The following GPHN variants were observed in gnomAD, a reference collection of about 807,000 sequenced individuals.
GPHN encodes the protein gephyrin.
GPHN carries 17 observed loss-of-function variants against 95.5 expected under a neutral mutation model. The ratio of observed to expected loss-of-function variants is 0.18; its 90% CI spans 0.12 to 0.27. The LOEUF (loss-of-function observed/expected upper bound fraction) is 0.27, where lower values mean the gene tolerates loss of function less well. GPHN is among the 10% of genes least tolerant of loss of function. GPHN has a pLI of 1.00. For synonymous variants in GPHN, 320 were observed against 322.5 expected, an observed-to-expected ratio of 0.99 and a Z score of 0.08; for missense variants, 660 against 978.1, an observed-to-expected ratio of 0.67 and a Z score of 4.34.
intron 3 of GPHN, among the ~76,000 whole-genome samples, chr14:66,806,660 G>A (rs2060556324): frequency 6.6e-6 from 1 of 152,166 alleles, no homozygotes; most frequent in African/African-American, 2.4e-5. Context: ...CTCTAGGGCA[G>A]AGTCAAAATG....
At chr14:66,988,098 T>C (rs2071145347) in intron 9 of GPHN, among the ~76,000 whole-genome samples, 1 of 151,936 alleles carries the variant, frequency 6.6e-6, no homozygotes, top group Admixed American at 6.6e-5. Flanking sequence ...TCTCCATCTT[T>C]TTCCTTTCTG....
the GPHN span, among the ~76,000 whole-genome samples, chr14:67,489,853 G>C: frequency 1.3e-5 from 2 of 152,188 alleles, no homozygotes. Flanking sequence ...AGCCAGGTGT[G>C]ATGGTGGGCA....
Position 67,144,263 on chromosome 14 carries a change from A to ATG in GPHN, c.1836+815_1836+816insGT, listed in dbSNP as rs1365207563. On this transcript the variant is annotated intron_variant, in intron 18 of 22. Transcript: ENST00000478722. The stretch of plus-strand genomic sequence containing the variant: ...AAAAAAAAAAAAAATATATATATAT[A>ATG]TATATATATATATATATATATATAC... Among the ~76,000 whole-genome samples the ATG allele has an allele frequency of 2.6e-4, 25 of 96,150 alleles. 2 individuals carry two copies. The highest frequency in any genetic ancestry group is 1.2e-3 in the African/African-American group (23 of 19,574). 63.1% of individuals were successfully genotyped at this position (96,150 alleles called of 152,430 possible).
At chr14:67,478,904 GGTAAGAGAAA>G in the GPHN span, among the ~76,000 whole-genome samples, 1 of 151,992 alleles carries the variant, frequency 6.6e-6, no homozygotes, top group Non-Finnish European at 1.5e-5. Context: ...TTAAGATAGT[GGTAAGAGAAA>G]AAAGCAGGAT....
the GPHN span, chr14:67,515,150 G>C: frequency 6.6e-6 from 1 of 152,396 alleles, no homozygotes; most frequent in Non-Finnish European, 1.5e-5. Flanking sequence ...GCGCAGGTGC[G>C]GCTAGGAGCG....
intron 3 of GPHN, among the ~76,000 whole-genome samples, chr14:66,808,819 A>G (rs2060651285): frequency 6.6e-6 from 1 of 152,204 alleles, no homozygotes; most frequent in Non-Finnish European, 1.5e-5. Flanking sequence ...TATATTTTAG[A>G]TATGTATAAA....
Position 66,746,867 on chromosome 14 carries a change from C to G in GPHN, c.144-29597C>G, listed in dbSNP as rs372089479. Reference sequence around the variant, plus strand: ...CTCTGAAAGGTAGGTCGACCTCCCTCAGAGTTTTGACTCCTGCAGTCTCTC... The same window carrying G: ...CTCTGAAAGGTAGGTCGACCTCCCTGAGAGTTTTGACTCCTGCAGTCTCTC... On this transcript the variant is annotated intron_variant, in intron 2 of 22. Coordinates refer to ENST00000478722, the MANE Select transcript of GPHN (RefSeq NM_020806.5). Among the ~76,000 whole-genome samples, 74 of 152,216 alleles carry G rather than the reference C, an allele frequency of 4.9e-4. No individual in the cohort carries two copies. The Middle Eastern group carries it at 0.01, about 21-fold the overall frequency.
intron 19 of GPHN, among the ~76,000 whole-genome samples, chr14:67,159,875 G>A (rs1359913640): frequency 6.6e-6 from 1 of 152,064 alleles, no homozygotes; most frequent in African/African-American, 2.4e-5. Flanking sequence ...CTGCCTTTTA[G>A]TTGGGAGGGA....
the GPHN span, chr14:67,570,058 C>A: frequency 7.8e-7 from 1 of 1,284,702 alleles, no homozygotes; most frequent in Non-Finnish European, 1.1e-6. Flanking sequence ...CAGGAAAGGC[C>A]CCTGGCCTCA....
chr14:67,360,025 A>C, the GPHN span: 2 of 510,482 alleles, frequency 3.9e-6, no homozygotes, highest in Non-Finnish European at 6.9e-6. Flanking sequence ...GCCAGGCCAA[A>C]GACTAGGAGC....
the GPHN span, among the ~76,000 whole-genome samples, chr14:67,190,443 G>A: frequency 3.3e-5 from 5 of 150,140 alleles, no homozygotes; most frequent in South Asian, 2.1e-4. Flanking sequence ...GGCTGGTCTC[G>A]AACTCCTGAC....
chr14:66,684,470 A>G (rs550935326), intron 2 of GPHN, among the ~76,000 whole-genome samples: 1 of 152,332 alleles, frequency 6.6e-6, no homozygotes, highest in Admixed American at 6.5e-5. Context: ...TGAGGGGCTT[A>G]CTGCATCAGA....
rs575489651 is a variant in GPHN at position 66,629,285 on chromosome 14, T to C, written c.65-51822T>C. ...CTTATCTTCAGTCTGTAAGTTTCTTTTCTATTTTATCCTTTTACTTTGTAA... is the reference window on the plus strand; with the variant it reads ...CTTATCTTCAGTCTGTAAGTTTCTTCTCTATTTTATCCTTTTACTTTGTAA... On this transcript the variant is annotated intron_variant, in intron 1 of 22. Transcript: ENST00000478722. 3.0e-3 allele frequency among the ~76,000 whole-genome samples: 453 copies of C among 149,878 alleles called. 1 individual carries two copies. Among genetic ancestry groups the C allele is most frequent in the South Asian group, 6.3e-3 (30 of 4,790 alleles).
the GPHN span, among the ~76,000 whole-genome samples, chr14:67,548,713 A>G: frequency 2.0e-5 from 3 of 152,174 alleles, no homozygotes; most frequent in Non-Finnish European, 4.4e-5. Flanking sequence ...AAAAGAGAGA[A>G]GAAATAATGT....
Position 66,675,677 on chromosome 14 carries a change from C to A in GPHN, c.65-5430C>A, listed in dbSNP as rs188337467. 6.5e-4 allele frequency among the ~76,000 whole-genome samples: 98 copies of A among 151,424 alleles called. 1 individual carries two copies. The highest frequency in any genetic ancestry group is 2.2e-3 in the African/African-American group (93 of 41,370). On this transcript the variant is annotated intron_variant, in intron 1 of 22. Coordinates refer to ENST00000478722, the MANE Select transcript of GPHN (RefSeq NM_020806.5). ...CCTGTGCCTTTGAAATCTTTAAAAT[C>A]TTTGCTTAGACAGATGTCCTGAAGC... is the stretch of plus-strand genomic sequence containing the variant.
chr14:67,110,374 T>C, intron 14 of GPHN, 115 bp downstream of exon 14: 2 of 1,069,172 alleles, frequency 1.9e-6, no homozygotes, highest in Non-Finnish European at 2.9e-6. Flanking sequence ...TAGTTTTGTT[T>C]TGTTTTTGCT....
At chr14:66,809,664 T>G (rs2060684930) in intron 3 of GPHN, among the ~76,000 whole-genome samples, 1 of 152,160 alleles carries the variant, frequency 6.6e-6, no homozygotes, top group Non-Finnish European at 1.5e-5. Flanking sequence ...CTCCTCCAAT[T>G]AAATAGTGTA....
chr14:67,057,416 G>T (rs760543463), intron 10 of GPHN, among the ~76,000 whole-genome samples: 14 of 151,054 alleles, frequency 9.3e-5, no homozygotes, highest in African/African-American at 2.9e-4. Flanking sequence ...ATGGGTGGGG[G>T]GGGCAACAGC....
At chr14:66,987,683 G>T (rs891031614) in intron 9 of GPHN, among the ~76,000 whole-genome samples, 25 of 151,948 alleles carry the variant, frequency 1.6e-4, no homozygotes, top group African/African-American at 6.0e-4. Flanking sequence ...TATAAGGATG[G>T]TTATAGTATT....
Sources: gnomAD v4.1 joint callset for allele counts (sites outside exome capture counted in the v4.1 genomes callset) on GRCh38, gnomAD v4.1.1 for gene constraint, MANE v1.5 for transcripts, NCBI Gene and HGNC (gene_info 2026-07-23, HGNC 2026-07-21) for gene names.